PCDHGA9: variants seen among roughly 807,000 people sequenced by gnomAD.
PCDHGA9 encodes the protein protocadherin gamma subfamily A, 9.
Under a neutral mutation model 62.5 loss-of-function variants are expected in PCDHGA9, and 37 were observed. The observed-to-expected ratio is 0.59, with a 90% CI of 0.46 to 0.78. The LOEUF is 0.78. Ranked by LOEUF, PCDHGA9 falls within the 30% of genes least tolerant of loss-of-function variation. PCDHGA9 has a pLI of 0.00. For synonymous variants in PCDHGA9, 459 were observed against 484.6 expected (o/e 0.95, Z 0.69); for missense variants, 1,138 against 1,166.2 (o/e 0.98, Z 0.35).
rs1053132512 is a variant in PCDHGA9 at position 141,409,714 on chromosome 5, C to A, written c.2424+4338C>A. The A allele has an allele frequency of 3.7e-6, 6 of 1,613,108 alleles. No individual in the cohort carries two copies. The African/African-American group carries it at 8.0e-5, about 22-fold the overall frequency. On this transcript the variant is annotated intron_variant, in intron 1 of 3. Transcript: ENST00000573521. ...TAGAGCCCCTGGCGGTGTCGTCATACGTGTCAGTGAGCGCGCAGAGCGGGG... is the reference window on the plus strand; with the variant it reads ...TAGAGCCCCTGGCGGTGTCGTCATAAGTGTCAGTGAGCGCGCAGAGCGGGG...
At position 141,403,850 on chromosome 5, in the gene PCDHGA9, G is replaced by T; in HGVS notation, c.898G>T (p.Glu300Ter). 1 of 1,613,634 alleles carries T rather than the reference G, an allele frequency of 6.2e-7. No individual in the cohort carries two copies. Among genetic ancestry groups the T allele is most frequent in the Non-Finnish European group, 8.5e-7 (1 of 1,179,788 alleles). ...LLFQLNENTGEISTAKSLDYE... is the reference protein window; with the variant it reads ...LLFQLNENTG ...ATTCCAGCTTAATGAAAATACTGGG[G>T]AAATATCAACAGCAAAAAGTCTAGA... Residue 300 changes from glutamate to a stop codon, truncating the protein, a stop_gained, in exon 1 of 4, where the codon GAA (glutamate) becomes TAA (stop). Coordinates refer to ENST00000573521, the MANE Select transcript of PCDHGA9 (RefSeq NM_018921.3). LOFTEE classifies it high-confidence loss of function.
rs1383258618 is a variant in PCDHGA9 at position 141,405,079 on chromosome 5, C to G, written c.2127C>G (p.Ile709Met). 6.2e-7 allele frequency: 1 copy of G among 1,613,898 alleles called. No homozygotes were observed. The highest frequency in any genetic ancestry group is 1.1e-5 in the South Asian group (1 of 91,080). ...VVSCVFLTFVITLLALRLRHW... is the reference protein window; with the variant it reads ...VVSCVFLTFVMTLLALRLRHW... The stretch of plus-strand genomic sequence containing the variant: ...CCTGTGTCTTCCTCACCTTCGTTAT[C>G]ACGCTGCTGGCCCTCAGGCTGAGGC... The change falls in exon 1 of 4, where the codon ATC (isoleucine) becomes ATG (methionine). Residue 709 changes from isoleucine to methionine, a missense_variant. By Grantham distance (10) the Ile-to-Met change is conservative. Coordinates refer to ENST00000573521, the MANE Select transcript of PCDHGA9 (RefSeq NM_018921.3).
intron 1 of PCDHGA9, chr5:141,413,694 C>T: frequency 6.2e-7 from 1 of 1,613,800 alleles, no homozygotes; most frequent in Non-Finnish European, 8.5e-7. Context: ...CCCTGCAGAG[C>T]TATCAGCTCA....
chr5:141,466,206 T>C (rs2099118813), intron 1 of PCDHGA9, among the ~76,000 whole-genome samples: 1 of 152,126 alleles, frequency 6.6e-6, no homozygotes, highest in Admixed American at 6.5e-5. Flanking sequence ...AGCCTTGCTC[T>C]GTTACCCAGG....
Position 141,483,648 on chromosome 5 carries a change from T to TTGTG in PCDHGA9, c.2425-11141_2425-11138dup, listed in dbSNP as rs111458813. ...GGAGAAGGTATAGAGGGGTGTGTGTTTGTGTGTGTGTGTGTGTGTGTAAAA... is the reference window on the plus strand; with the variant it reads ...GGAGAAGGTATAGAGGGGTGTGTGTTTGTGTGTGTGTGTGTGTGTGTGTGTAAAA... On this transcript the variant is annotated intron_variant, in intron 1 of 3. Coordinates refer to ENST00000573521, the MANE Select transcript of PCDHGA9 (RefSeq NM_018921.3). Among the ~76,000 whole-genome samples, 501 of 149,686 alleles carry TTGTG rather than the reference T, an allele frequency of 3.3e-3. 2 individuals are homozygous for TTGTG. Among genetic ancestry groups the TTGTG allele is most frequent in the African/African-American group, 7.3e-3 (297 of 40,842 alleles).
Position 141,487,295 on chromosome 5 carries a change from T to C in PCDHGA9, c.2425-7512T>C, listed in dbSNP as rs2099642474. The C allele has an allele frequency of 5.6e-6, 9 of 1,614,164 alleles. No individual in the cohort carries two copies. In the East Asian group the frequency reaches 1.3e-4, roughly 24 times the overall value. ...AATTTGCTTTGTCTCCTTTGGCTCA[T>C]TCGTGGCACTACTCTCTAAGTGTCT... On this transcript the variant is annotated intron_variant, in intron 1 of 3. Transcript: ENST00000573521. This position sits in a 1 kb window ranked among gnomAD's most constrained non-coding sequence, Gnocchi z 5.0.
At chr5:141,430,985 G>T (rs773308629) in intron 1 of PCDHGA9, 4 of 1,613,780 alleles carry the variant, frequency 2.5e-6, no homozygotes, top group Non-Finnish European at 3.4e-6. Flanking sequence ...GCAGCTTTTC[G>T]CCCTGAATCC....
chr5:141,511,002 C>T lies in PCDHGA9; in HGVS notation c.2628C>T (p.Ser876=), dbSNP rs143630962. 77 of 1,614,140 alleles carry T rather than the reference C, an allele frequency of 4.8e-5. No individual in the cohort carries two copies. Among genetic ancestry groups the T allele is most frequent in the South Asian group, 2.1e-4 (19 of 91,080 alleles). ...GGGGTGCCGGCACCATGGGATTGAG[C>T]GCCCGCTACGGACCCCAGTTCACCC... The part of the protein sequence containing the change: ...LGGGAGTMGL[S]ARYGPQFTLQ... Residue 876 remains serine (S), a synonymous_variant, in exon 4 of 4, where the codon AGC becomes AGT. Coordinates refer to ENST00000573521, the MANE Select transcript of PCDHGA9 (RefSeq NM_018921.3).
At chr5:141,464,556 G>A (rs1158827360) in intron 1 of PCDHGA9, among the ~76,000 whole-genome samples, 4 of 151,990 alleles carry the variant, frequency 2.6e-5, no homozygotes, top group Admixed American at 6.6e-5. Flanking sequence ...TCCCCATCTT[G>A]CATTCCTACA....
intron 1 of PCDHGA9, among the ~76,000 whole-genome samples, chr5:141,439,168 G>C (rs2098092980): frequency 6.6e-6 from 1 of 150,792 alleles, no homozygotes; most frequent in Non-Finnish European, 1.5e-5. Context: ...ACTCCAGCCT[G>C]GGCGACATAG....
intron 1 of PCDHGA9, chr5:141,423,696 T>A: frequency 4.0e-6 from 6 of 1,492,822 alleles, no homozygotes; most frequent in Non-Finnish European, 5.3e-6. Flanking sequence ...ATTGTTGGTG[T>A]CTTGGCACAA....
chr5:141,430,399 T>G (rs2097282187), intron 1 of PCDHGA9, among the ~76,000 whole-genome samples: 1 of 150,106 alleles, frequency 6.7e-6, no homozygotes, highest in Admixed American at 6.6e-5. Flanking sequence ...AAAAAAAAGC[T>G]CACTAAAGTT....
rs1363448 is a variant in PCDHGA9, at chr5:141,404,029, C to T, written c.1077C>T (p.Asp359=). Residue 359 remains aspartate (D), a synonymous_variant, in exon 1 of 4, where the codon GAC becomes GAT. Coordinates refer to ENST00000573521, the MANE Select transcript of PCDHGA9 (RefSeq NM_018921.3). ...ITSLFSPVRE[D]APQGTVILLF... ...CTCTGTTTAGCCCAGTGAGAGAAGACGCACCTCAGGGAACAGTAATTCTTC... is the reference window on the plus strand; with the variant it reads ...CTCTGTTTAGCCCAGTGAGAGAAGATGCACCTCAGGGAACAGTAATTCTTC... 736,203 of 1,612,620 alleles carry T rather than the reference C, an allele frequency of 0.46. 175,243 individuals are homozygous for T. The highest frequency in any genetic ancestry group is 0.8 in the African/African-American group (59,873 of 74,920).
rs764067454 is a variant in PCDHGA9 at position 141,413,998 on chromosome 5, G to C, written c.2424+8622G>C. On this transcript the variant is annotated intron_variant, in intron 1 of 3. Coordinates refer to ENST00000573521, the MANE Select transcript of PCDHGA9 (RefSeq NM_018921.3). Reference sequence around the variant, plus strand: ...GACAGTCACAGCCACCGACAGGGACGAAGGTGCCAATGGAGAAGTGACATA... The same window carrying C: ...GACAGTCACAGCCACCGACAGGGACCAAGGTGCCAATGGAGAAGTGACATA... 29 of 1,613,320 alleles carry C rather than the reference G, an allele frequency of 1.8e-5. No individual in the cohort carries two copies. The Admixed American group carries it at 4.8e-4, about 27-fold the overall frequency.
At chr5:141,462,800 A>C (rs1039129881) in intron 1 of PCDHGA9, among the ~76,000 whole-genome samples, 2 of 152,128 alleles carry the variant, frequency 1.3e-5, no homozygotes, top group Non-Finnish European at 2.9e-5. Flanking sequence ...TTGCATGTCT[A>C]ATAATGTTTT....
At position 141,402,843 on chromosome 5, in the gene PCDHGA9, G is replaced by A. The variant is rs1370040306; in HGVS notation, c.-110G>A. On this transcript the variant is annotated 5_prime_UTR_variant, in exon 1 of 4. Transcript: ENST00000573521. Reference sequence around the variant, plus strand: ...TGCTCCCAGGCTGCAGCAAAACTCAGCCTCTTTCTTCTAAGGAAAAGATCA... The same window carrying A: ...TGCTCCCAGGCTGCAGCAAAACTCAACCTCTTTCTTCTAAGGAAAAGATCA... 5.7e-6 allele frequency: 8 copies of A among 1,399,114 alleles called. No homozygotes were observed. The highest frequency in any genetic ancestry group is 6.6e-6 in the Non-Finnish European group (7 of 1,066,926). 86.7% of individuals were successfully genotyped at this position (1,399,114 alleles called of 1,614,324 possible). A position where few individuals can be genotyped will look rare whatever the true frequency, so the allele number is the denominator to read the frequency against.
chr5:141,447,954 C>T (rs927510517), intron 1 of PCDHGA9, among the ~76,000 whole-genome samples: 11 of 151,814 alleles, frequency 7.2e-5, no homozygotes, highest in Non-Finnish European at 1.2e-4. Flanking sequence ...GGCATGGTGG[C>T]GGACACCTAT....
chr5:141,418,810 A>G lies in PCDHGA9; in HGVS notation c.2424+13434A>G, dbSNP rs149866479. The G allele has an allele frequency of 4.9e-3, 7,975 of 1,613,892 alleles. 44 individuals carry two copies. Among genetic ancestry groups the G allele is most frequent in the Admixed American group, 9.4e-3 (567 of 60,018 alleles). On this transcript the variant is annotated intron_variant, in intron 1 of 3. Coordinates refer to ENST00000573521, the MANE Select transcript of PCDHGA9 (RefSeq NM_018921.3). ...TTGAAGAAGTAGAAAGATATACGAT[A>G]AACATAGAAGCAAAAGACCGAGGAT...
chr5:141,405,210 A>G lies in PCDHGA9; in HGVS notation c.2258A>G (p.Tyr753Cys), dbSNP rs752645800. Reference protein sequence around the residue: ...VDGVRAFLQTYSQEFSLTADS... With the variant: ...VDGVRAFLQTCSQEFSLTADS... Reference sequence around the variant, plus strand: ...GGGGTTCGAGCTTTCCTACAGACCTATTCTCAGGAGTTCTCCCTCACCGCT... The same window carrying G: ...GGGGTTCGAGCTTTCCTACAGACCTGTTCTCAGGAGTTCTCCCTCACCGCT... Residue 753 changes from tyrosine to cysteine, a missense_variant, in exon 1 of 4, where the codon TAT becomes TGT. Physicochemically the swap from Tyr to Cys is radical, Grantham distance 194. Transcript: ENST00000573521. 2 of 1,613,994 alleles carry G rather than the reference A, an allele frequency of 1.2e-6. No individual in the cohort carries two copies. The highest frequency in any genetic ancestry group is 1.1e-5 in the South Asian group (1 of 91,080).
Sources: allele counts gnomAD v4.1 joint callset (sites outside exome capture counted in the v4.1 genomes callset), GRCh38; gene constraint gnomAD v4.1.1; non-coding constraint Gnocchi (gnomAD v3.1); transcripts MANE v1.5; gene names NCBI Gene and HGNC (gene_info 2026-07-23, HGNC 2026-07-21).